SPEF2: variants seen among roughly 807,000 people sequenced by gnomAD.
The protein encoded by SPEF2 is sperm flagellar and cilia associated 2.
Under a neutral mutation model 224.6 loss-of-function variants are expected in SPEF2, and 187 were observed. That is an observed-to-expected ratio of 0.83 (90% CI 0.74 to 0.94). The LOEUF (loss-of-function observed/expected upper bound fraction) is 0.94, where lower values mean the gene tolerates loss of function less well. Among genes scored for constraint, SPEF2 ranks in the 40% least tolerant of loss-of-function variants. The probability of loss-of-function intolerance (pLI) is 0.00; values close to 1 mark genes in which losing one functional copy is unlikely to be tolerated. For missense variants in SPEF2, 2,170 were observed against 2,135.6 expected (o/e 1.02, Z -0.32); for synonymous variants, 715 against 707.3 (o/e 1.01, Z -0.17).
chr5:35,724,644 G>A (rs1386256380), intron 20 of SPEF2, among the ~76,000 whole-genome samples: 2 of 152,122 alleles, frequency 1.3e-5, no homozygotes, highest in African/African-American at 4.8e-5. Flanking sequence ...CCATATATGG[G>A]TTACCTCTGG....
chr5:35,729,896 C>T (rs936186299), intron 21 of SPEF2, among the ~76,000 whole-genome samples: 12 of 152,152 alleles, frequency 7.9e-5, no homozygotes, highest in Non-Finnish European at 1.5e-4. Context: ...AAGTGTCTTT[C>T]ACCTCATACC....
chr5:35,623,819 A>C (rs1743842485), intron 1 of SPEF2, among the ~76,000 whole-genome samples: 1 of 152,244 alleles, frequency 6.6e-6, no homozygotes, highest in Non-Finnish European at 1.5e-5. Flanking sequence ...TGTTTTCTTA[A>C]ATTAGAACAC....
At chr5:35,736,950 T>G (rs1165291711) in intron 21 of SPEF2, among the ~76,000 whole-genome samples, 1 of 152,210 alleles carries the variant, frequency 6.6e-6, no homozygotes, top group Non-Finnish European at 1.5e-5. Context: ...CCATGACCTT[T>G]TCTCTTGACC....
chr5:35,779,196 G>A lies in SPEF2; in HGVS notation c.4297G>A (p.Glu1433Lys), dbSNP rs1753989858. The A allele has an allele frequency of 6.2e-7, 1 of 1,613,696 alleles. No homozygotes were observed. Among genetic ancestry groups the A allele is most frequent in the Admixed American group, 1.7e-5 (1 of 59,962 alleles). Residue 1433 changes from glutamate to lysine, a missense_variant, in exon 30 of 37, where the codon GAA becomes AAA. Glu to Lys is a moderately conservative substitution (Grantham distance 56, BLOSUM62 1). Coordinates refer to ENST00000356031, the MANE Select transcript of SPEF2 (RefSeq NM_024867.4). ...TCAGAATGAACTTTATTTAAGCCAA[G>A]AAGACTTCTTCATTAATGGCAATAT... ...KIQNELYLSQEDFFINGNIKV... is the reference protein window; with the variant it reads ...KIQNELYLSQKDFFINGNIKV...
At chr5:35,657,545 T>C (rs1749129967) in intron 7 of SPEF2, among the ~76,000 whole-genome samples, 1 of 151,996 alleles carries the variant, frequency 6.6e-6, no homozygotes, top group East Asian at 1.9e-4. Context: ...TCTTGAACAA[T>C]TGAGTATTAG....
intron 1 of SPEF2, 52 bp downstream of exon 1, chr5:35,618,107 G>A: frequency 6.5e-7 from 1 of 1,542,912 alleles, no homozygotes; most frequent in Non-Finnish European, 8.8e-7. Context: ...GGGGCGCAGA[G>A]CCTGCAGCGC....
intron 9 of SPEF2, among the ~76,000 whole-genome samples, chr5:35,668,455 G>C (rs916917763): frequency 1.3e-5 from 2 of 152,122 alleles, no homozygotes; most frequent in Non-Finnish European, 2.9e-5. Flanking sequence ...AAATGACAAA[G>C]TTATAGAAAC....
chr5:35,708,622 TCCA>T (rs1740371990), intron 18 of SPEF2, among the ~76,000 whole-genome samples: 2 of 526 alleles, frequency 3.8e-3, no homozygotes, highest in South Asian at 0.05. Context: ...CACCTCTACC[TCCA>T]CCACCATCAC....
chr5:35,777,345 A>T (rs1753740250), intron 29 of SPEF2, among the ~76,000 whole-genome samples: 1 of 152,144 alleles, frequency 6.6e-6, no homozygotes, highest in Non-Finnish European at 1.5e-5. Context: ...CAGAATAAAA[A>T]ATACAAACAC....
In SPEF2 at chr5:35,727,750, C is replaced by T; in HGVS notation, c.2990C>T (p.Pro997Leu). Residue 997 changes from proline (P) to leucine (L), a missense_variant, in exon 21 of 37, where the codon CCT becomes CTT. By Grantham distance (98) the Pro-to-Leu change is moderately conservative. Transcript: ENST00000356031. The part of the protein sequence containing the change: ...KSPADSTDTS[P>L]VAIVPQPPKP... ...CCTGCTGACTCTACAGATACATCAC[C>T]TGTTGCAATAGTGCCACAGCCACCT... is the stretch of plus-strand genomic sequence containing the variant. 6.2e-7 allele frequency: 1 copy of T among 1,613,926 alleles called. No homozygotes were observed. Among genetic ancestry groups the T allele is most frequent in the Non-Finnish European group, 8.5e-7 (1 of 1,179,818 alleles).
intron 10 of SPEF2, among the ~76,000 whole-genome samples, chr5:35,688,925 A>C (rs547029432): frequency 2.8e-4 from 43 of 152,270 alleles, no homozygotes; most frequent in Non-Finnish European, 3.5e-4. Flanking sequence ...ATTTGTGCCA[A>C]ATATTTCCAA....
intron 20 of SPEF2, among the ~76,000 whole-genome samples, chr5:35,724,416 G>T (rs951180999): frequency 1.3e-4 from 19 of 151,880 alleles, no homozygotes; most frequent in Admixed American, 1.2e-3. Context: ...AAAGAAAATT[G>T]GTATGCAATA....
intron 36 of SPEF2, chr5:35,808,320 T>C (rs1273174750): frequency 7.8e-6 from 2 of 255,554 alleles, no homozygotes; most frequent in Admixed American, 6.5e-5. Flanking sequence ...TACATATGTA[T>C]ACATGTGCCA....
intron 10 of SPEF2, among the ~76,000 whole-genome samples, chr5:35,690,698 A>G (rs532544695): frequency 2.0e-5 from 3 of 152,122 alleles, no homozygotes; most frequent in Non-Finnish European, 4.4e-5. Context: ...CTTGCATAAG[A>G]TAGCAGAGAA....
chr5:35,669,227 T>C lies in SPEF2; in HGVS notation c.1356-832T>C, dbSNP rs180673578. Among the ~76,000 whole-genome samples, 65 of 152,192 alleles carry C rather than the reference T, an allele frequency of 4.3e-4. 1 individual carries two copies. In the East Asian group the frequency reaches 0.012, roughly 27 times the overall value. Reference sequence around the variant, plus strand: ...ATAACGTCTTCAAGGTCCTTTCATGTTGTAGCATGAATCAGAATGAAATAC... The same window carrying C: ...ATAACGTCTTCAAGGTCCTTTCATGCTGTAGCATGAATCAGAATGAAATAC... On this transcript the variant is annotated intron_variant, in intron 9 of 36. Transcript: ENST00000356031.
intron 24 of SPEF2, 43 bp from the exon 25 acceptor site, chr5:35,759,525 C>T (rs756435360): frequency 6.7e-7 from 1 of 1,491,592 alleles, no homozygotes; most frequent in Non-Finnish European, 9.0e-7. Flanking sequence ...TACAGATCAG[C>T]TTGTTCTTTC....
At chr5:35,659,240 G>A (rs564934021) in intron 8 of SPEF2, 33 bp downstream of exon 8, 9 of 1,520,300 alleles carry the variant, frequency 5.9e-6, no homozygotes, top group South Asian at 5.1e-5. Context: ...ATCTTTCTAA[G>A]GTTACTTTTG....
chr5:35,735,470 G>A (rs1746427967), intron 21 of SPEF2, among the ~76,000 whole-genome samples: 1 of 152,164 alleles, frequency 6.6e-6, no homozygotes, highest in Admixed American at 6.5e-5. Flanking sequence ...AGAAGAAAAA[G>A]TTTTCCAGTA....
intron 26 of SPEF2, among the ~76,000 whole-genome samples, chr5:35,768,961 G>A (rs1475959403): frequency 6.6e-6 from 1 of 152,112 alleles, no homozygotes; most frequent in African/African-American, 2.4e-5. Context: ...CTTCTAATTA[G>A]TGGGTATGCA....
Sources: allele counts gnomAD v4.1 joint callset (sites outside exome capture counted in the v4.1 genomes callset), GRCh38; gene constraint gnomAD v4.1.1; transcripts MANE v1.5; gene names NCBI Gene and HGNC (gene_info 2026-07-23, HGNC 2026-07-21).